The following IQGAP3 variants were observed in gnomAD, a reference collection of about 807,000 sequenced individuals.
IQGAP3 encodes ras GTPase-activating-like protein IQGAP3.
In IQGAP3, 165 loss-of-function variants were observed where a neutral mutation model predicts 208.2. The observed-to-expected ratio is 0.79, with a 90% confidence interval of 0.70 to 0.90. The LOEUF (loss-of-function observed/expected upper bound fraction) is 0.90. IQGAP3 is among the 40% of genes least tolerant of loss of function. The probability of loss-of-function intolerance (pLI) is 0.00; values close to 1 mark genes in which losing one functional copy is unlikely to be tolerated. For synonymous variants in IQGAP3, 703 were observed against 803.6 expected, an observed-to-expected ratio of 0.87 and a Z score of 2.12; for missense variants, 1,811 against 2,043.1, an observed-to-expected ratio of 0.89 and a Z score of 2.19.
Position 156,548,502 on chromosome 1 carries a change from A to T in IQGAP3, c.1994-15T>A. 6.2e-7 allele frequency: 1 copy of T among 1,612,068 alleles called. No individual in the cohort carries two copies. Among genetic ancestry groups the T allele is most frequent in the African/African-American group, 1.3e-5 (1 of 74,924 alleles). On this transcript the variant is annotated splice_polypyrimidine_tract_variant and intron_variant, in intron 17 of 37. Coordinates refer to ENST00000361170, the MANE Select transcript of IQGAP3 (RefSeq NM_178229.5). ...AGCTGTGTCTGCTAAGCAGAAACCA[A>T]GCAAGCAGAAAAGGTTCAGAGCAGG...
chr1:156,561,139 C>T, intron 10 of IQGAP3, 118 bp from the exon 11 acceptor site: 1 of 658,356 alleles, frequency 1.5e-6, no homozygotes, highest in Non-Finnish European at 2.7e-6. Context: ...TCCTACCTCT[C>T]TCCGTTAGGC....
At chr1:156,551,949 C>A in intron 14 of IQGAP3, 25 bp downstream of exon 14, 1 of 1,608,196 alleles carries the variant, frequency 6.2e-7, no homozygotes, top group Non-Finnish European at 8.5e-7. Context: ...TGGGCCATCT[C>A]CACCCAGCTC....
chr1:156,537,909 TGCG>T lies in IQGAP3; in HGVS notation c.3282-591_3282-589del, dbSNP rs1189299899. ...CCCAGCAAATTTTTTTTTTTTTTTT[TGCG>T]GGGGGACAGAGTCTCACTCTGTTGC... On this transcript the variant is annotated intron_variant, in intron 26 of 37. Coordinates refer to ENST00000361170, the MANE Select transcript of IQGAP3 (RefSeq NM_178229.5). Among the ~76,000 whole-genome samples, 3 of 151,704 alleles carry T rather than the reference TGCG, an allele frequency of 2.0e-5. No homozygotes were observed. In the South Asian group the frequency reaches 6.2e-4, roughly 32 times the overall value.
intron 31 of IQGAP3, among the ~76,000 whole-genome samples, chr1:156,533,522 C>A (rs541340476): frequency 2.0e-5 from 3 of 152,190 alleles, no homozygotes; most frequent in East Asian, 1.9e-4. Flanking sequence ...AGGCCCTGAT[C>A]CCTGTGCCTC....
chr1:156,563,176 C>T lies in IQGAP3; in HGVS notation c.756G>A (p.Leu252=). ...CTGCCTTCTCCATCTTGGCCTGGGC[C>T]AGCATCTCTTGGTAGACGGCTGCCA... ...EPLAAVYQEM[L]AQAKMEKAAN... Residue 252 remains leucine (L), a synonymous_variant, in exon 8 of 38, where the codon CTG becomes CTA. Coordinates refer to ENST00000361170, the MANE Select transcript of IQGAP3 (RefSeq NM_178229.5). The T allele has an allele frequency of 6.2e-7, 1 of 1,611,468 alleles. No homozygotes were observed. Among genetic ancestry groups the T allele is most frequent in the South Asian group, 1.1e-5 (1 of 90,918 alleles).
At position 156,530,335 on chromosome 1, in the gene IQGAP3, C is replaced by T. The variant is rs1674331914; in HGVS notation, c.4192-18G>A. ...GCTGCTTCCTGGGGACACACAGACG[C>T]TGGAGGGGTCTACCAGGTCCTACCA... On this transcript the variant is annotated intron_variant, in intron 33 of 37. Coordinates refer to ENST00000361170, the MANE Select transcript of IQGAP3 (RefSeq NM_178229.5). 6.3e-7 allele frequency: 1 copy of T among 1,596,918 alleles called. No individual in the cohort carries two copies. The highest frequency in any genetic ancestry group is 8.5e-7 in the Non-Finnish European group (1 of 1,176,728).
intron 23 of IQGAP3, 87 bp downstream of exon 23, chr1:156,540,621 A>G (rs1452116457): frequency 1.1e-5 from 14 of 1,250,494 alleles, no homozygotes; most frequent in Non-Finnish European, 1.6e-5. Flanking sequence ...ATTTTGAAAA[A>G]AATTGATTAG....
rs777798889 is a variant in IQGAP3, at chr1:156,526,643, T to C, written c.4783-44A>G. On this transcript the variant is annotated intron_variant, in intron 37 of 37. Coordinates refer to ENST00000361170, the MANE Select transcript of IQGAP3 (RefSeq NM_178229.5). ...GGAGGGGAGTTTAAGGGCTTCTGAA[T>C]GTGGTCCAGTCAGATGGTGTACAAA... 8.2e-6 allele frequency: 11 copies of C among 1,344,262 alleles called. No homozygotes were observed. In the East Asian group the frequency reaches 2.3e-4, roughly 28 times the overall value. The allele number at this position is 1,344,262 out of a possible 1,614,324, so 83.3% of individuals were successfully genotyped here. A position where few individuals can be genotyped will look rare whatever the true frequency, so the allele number is the denominator to read the frequency against.
intron 16 of IQGAP3, among the ~76,000 whole-genome samples, chr1:156,549,776 C>G (rs1675457335): frequency 6.6e-6 from 1 of 152,186 alleles, no homozygotes; most frequent in African/African-American, 2.4e-5. Flanking sequence ...AGGGAGACCC[C>G]AGCCACTGAG....
rs1342402566 is a variant in IQGAP3 at position 156,548,094 on chromosome 1, G to A, written c.2283C>T (p.Leu761=). Residue 761 remains leucine, a synonymous_variant, in exon 19 of 38, where the codon CTC becomes CTT. Coordinates refer to ENST00000361170, the MANE Select transcript of IQGAP3 (RefSeq NM_178229.5). ...CCACCTGGATCTTGATGACTGCTGG[G>A]AGCCAGGTCCTCAGAAAGTGGGAAT... ...AEHSHFLRTW[L]PAVIKIQAHW... The A allele has an allele frequency of 3.1e-6, 5 of 1,613,536 alleles. No individual in the cohort carries two copies. The highest frequency in any genetic ancestry group is 3.4e-6 in the Non-Finnish European group (4 of 1,179,700).
chr1:156,540,799 C>A lies in IQGAP3; in HGVS notation c.2648G>T (p.Arg883Met). Residue 883 changes from arginine to methionine, a missense_variant, in exon 23 of 38, where the codon AGG becomes ATG. Transcript: ENST00000361170. ...CAGCTGCTGATTGGATCGGATCTTC[C>A]TAACTACCTCTTCCTGGAGCTTCAG... ...ELLKLQEEVV[R>M]KIRSNQQLEQ... The A allele has an allele frequency of 6.2e-7, 1 of 1,614,112 alleles. No individual in the cohort carries two copies. Among genetic ancestry groups the A allele is most frequent in the East Asian group, 2.2e-5 (1 of 44,882 alleles).
chr1:156,565,077 C>A (rs1393646438), intron 4 of IQGAP3, among the ~76,000 whole-genome samples: 1 of 152,180 alleles, frequency 6.6e-6, no homozygotes, highest in African/African-American at 2.4e-5. Flanking sequence ...ACCTTAGACC[C>A]TTGCCAGAGA....
At position 156,560,808 on chromosome 1, in the gene IQGAP3, T is replaced by C. The variant is rs1676112632; in HGVS notation, c.1129+126A>G. The C allele has an allele frequency of 4.7e-6, 3 of 640,022 alleles. No homozygotes were observed. The Admixed American group carries it at 7.6e-5, about 16-fold the overall frequency. The allele number at this position is 640,022 out of a possible 1,614,324, so 39.6% of individuals were successfully genotyped here. A position where few individuals can be genotyped will look rare whatever the true frequency, so the allele number is the denominator to read the frequency against. The stretch of plus-strand genomic sequence containing the variant: ...AAAGCAGATTATGTGAGGGGAGAAG[T>C]TCCTAGCCAGGCTGGAAACAGCAGC... On this transcript the variant is annotated intron_variant, in intron 11 of 37. Coordinates refer to ENST00000361170, the MANE Select transcript of IQGAP3 (RefSeq NM_178229.5).
intron 35 of IQGAP3, 90 bp from the exon 36 acceptor site, chr1:156,528,700 C>T (rs1381590419): frequency 3.4e-6 from 4 of 1,177,464 alleles, no homozygotes; most frequent in Non-Finnish European, 4.9e-6. Flanking sequence ...GAAATGAGAC[C>T]CCGAGGAAGA....
chr1:156,541,928 A>T (rs1675005593), intron 22 of IQGAP3, among the ~76,000 whole-genome samples: 1 of 152,172 alleles, frequency 6.6e-6, no homozygotes, highest in Middle Eastern at 3.2e-3. Context: ...GGTGAAAAGG[A>T]GGCAGAGAGG....
At position 156,548,081 on chromosome 1, in the gene IQGAP3, T is replaced by C; in HGVS notation, c.2296A>G (p.Lys766Glu). ...AAGCCAGAGCCTGCCACCTGGATCT[T>C]GATGACTGCTGGGAGCCAGGTCCTC... Reference protein sequence around the residue: ...FLRTWLPAVIKIQAHWRGYRQ... With the variant: ...FLRTWLPAVIEIQAHWRGYRQ... The change falls in exon 19 of 38, where the codon AAG becomes GAG. Residue 766 changes from lysine (K) to glutamate (E), a missense_variant. By Grantham distance (56) the Lys-to-Glu change is moderately conservative. Transcript: ENST00000361170. The C allele has an allele frequency of 6.2e-7, 1 of 1,613,080 alleles. No homozygotes were observed. The highest frequency in any genetic ancestry group is 8.5e-7 in the Non-Finnish European group (1 of 1,179,480).
intron 31 of IQGAP3, among the ~76,000 whole-genome samples, chr1:156,533,367 C>A (rs1674517286): frequency 6.6e-6 from 1 of 152,088 alleles, no homozygotes; most frequent in Non-Finnish European, 1.5e-5. Context: ...CCCTGGGTGC[C>A]CTGAGGGTAG....
At position 156,535,288 on chromosome 1, in the gene IQGAP3, C is replaced by T. The variant is rs369576241; in HGVS notation, c.3423-41G>A. On this transcript the variant is annotated intron_variant, in intron 27 of 37. Transcript: ENST00000361170. Reference sequence around the variant, plus strand: ...CAGGTGCGCGTGGCTGTGCCTCTGCCCATCTCTCTCTGCCAGAGATAAGAG... The same window carrying T: ...CAGGTGCGCGTGGCTGTGCCTCTGCTCATCTCTCTCTGCCAGAGATAAGAG... The T allele has an allele frequency of 1.0e-5, 14 of 1,374,832 alleles. No homozygotes were observed. The African/African-American group carries it at 1.9e-4, about 18-fold the overall frequency. The allele number at this position is 1,374,832 out of a possible 1,614,324, so 85.2% of individuals were successfully genotyped here.
In IQGAP3 at chr1:156,548,087, C is replaced by T; in HGVS notation, c.2290G>A (p.Val764Ile). 2 of 1,613,292 alleles carry T rather than the reference C, an allele frequency of 1.2e-6. No homozygotes were observed. The highest frequency in any genetic ancestry group is 1.7e-6 in the Non-Finnish European group (2 of 1,179,556). ...SHFLRTWLPA[V>I]IKIQAHWRGY... is the part of the protein sequence containing the mutation. ...GAGCCTGCCACCTGGATCTTGATGA[C>T]TGCTGGGAGCCAGGTCCTCAGAAAG... Residue 764 changes from valine to isoleucine, a missense_variant, in exon 19 of 38, where the codon GTC becomes ATC. By Grantham distance (29) the Val-to-Ile change is conservative. Coordinates refer to ENST00000361170, the MANE Select transcript of IQGAP3 (RefSeq NM_178229.5).
Sources: gnomAD v4.1 joint callset for allele counts (sites outside exome capture counted in the v4.1 genomes callset) on GRCh38, gnomAD v4.1.1 for gene constraint, MANE v1.5 for transcripts, NCBI Gene and HGNC (gene_info 2026-07-23, HGNC 2026-07-21) for gene names.